Variants in DACH2 observed in about 807,000 individuals in gnomAD.
The protein encoded by DACH2 is dachshund homolog 2.
Under a neutral mutation model 35.8 loss-of-function variants are expected in DACH2, and 17 were observed. That is an observed-to-expected ratio of 0.48 (90% CI 0.33 to 0.71). DACH2 has a LOEUF of 0.71. DACH2 is among the 30% of genes least tolerant of loss of function. DACH2 has a pLI of 0.02. For missense variants in DACH2, 469 were observed against 472.7 expected, an observed-to-expected ratio of 0.99 and a Z score of 0.07; for synonymous variants, 195 against 177.3, an observed-to-expected ratio of 1.10 and a Z score of -0.79.
At chrX:86,466,860 C>A (rs2148217262) in intron 2 of DACH2, among the ~76,000 whole-genome samples, 1 of 110,948 alleles carries the variant, frequency 9.0e-6, no homozygotes, top group Admixed American at 9.6e-5. Context: ...CCCCTTTCAG[C>A]CACGGCTGGA....
intron 1 of DACH2, among the ~76,000 whole-genome samples, chrX:86,315,828 CACACACACACACAG>C (rs2034891162): frequency 1.0e-5 from 1 of 96,448 alleles, no homozygotes; most frequent in African/African-American, 4.5e-5. Context: ...CACACACACA[CACACACACACACAG>C]AGAGAGAGAG....
intron 2 of DACH2, among the ~76,000 whole-genome samples, chrX:86,384,946 T>G (rs762504531): frequency 8.9e-6 from 1 of 111,733 alleles, no homozygotes; most frequent in Non-Finnish European, 1.9e-5. Context: ...GTGAACTGAT[T>G]TATCATTATA....
At chrX:86,818,579 T>A (rs1179222067) in intron 11 of DACH2, among the ~76,000 whole-genome samples, 1 of 111,654 alleles carries the variant, frequency 9.0e-6, no homozygotes, top group Non-Finnish European at 1.9e-5. Context: ...AGTTCTTTTT[T>A]GTGACATTTT....
At chrX:86,390,596 A>AT (rs1419617080) in intron 2 of DACH2, among the ~76,000 whole-genome samples, 3 of 110,524 alleles carry the variant, frequency 2.7e-5, no homozygotes, top group Admixed American at 1.9e-4. Flanking sequence ...GATTATTATT[A>AT]TTTTTTCTTT....
intron 3 of DACH2, among the ~76,000 whole-genome samples, chrX:86,562,848 G>A (rs887810967): frequency 3.6e-5 from 4 of 111,386 alleles, no homozygotes. Flanking sequence ...CATCATGAAC[G>A]CATGTTTCTA....
At chrX:86,384,166 G>A (rs190079758) in intron 2 of DACH2, among the ~76,000 whole-genome samples, 116 of 110,634 alleles carry the variant, frequency 1.0e-3, no homozygotes, top group African/African-American at 3.6e-3. Flanking sequence ...GGAGGGCACA[G>A]GGTAGATGTA....
At chrX:86,695,204 T>C in intron 5 of DACH2, 25 bp downstream of exon 5, 2 of 975,168 alleles carry the variant, frequency 2.1e-6, no homozygotes, top group Non-Finnish European at 2.6e-6. Flanking sequence ...CTCACAAAAC[T>C]GGGTGTGTTG....
At chrX:86,569,674 G>T (rs1302345218) in intron 3 of DACH2, among the ~76,000 whole-genome samples, 1 of 111,273 alleles carries the variant, frequency 9.0e-6, no homozygotes, top group East Asian at 2.8e-4. Context: ...CTGGACATAG[G>T]CATGGGCAAA....
intron 3 of DACH2, among the ~76,000 whole-genome samples, chrX:86,522,256 A>G (rs12012048): frequency 0.017 from 1,936 of 111,423 alleles, 47 homozygotes; most frequent in African/African-American, 0.06. Context: ...GTGTGTGTGT[A>G]TGTGAATATG....
At chrX:86,565,870 G>T (rs988578916) in intron 3 of DACH2, among the ~76,000 whole-genome samples, 1 of 111,560 alleles carries the variant, frequency 9.0e-6, no homozygotes, top group Non-Finnish European at 1.9e-5. Flanking sequence ...AAATATGTTT[G>T]TATGATTGCT....
chrX:86,815,792 G>T (rs1466795912), intron 10 of DACH2, among the ~76,000 whole-genome samples: 2 of 107,673 alleles, frequency 1.9e-5, no homozygotes, highest in African/African-American at 3.4e-5. Flanking sequence ...TATTTTTAAA[G>T]AATAAAAAAA....
At chrX:86,784,360 C>T (rs1204605909) in intron 7 of DACH2, among the ~76,000 whole-genome samples, 1 of 110,483 alleles carries the variant, frequency 9.1e-6, no homozygotes, top group African/African-American at 3.3e-5. Flanking sequence ...CCACAGACAA[C>T]ATACATATGA....
chrX:86,430,767 T>G (rs1370878454), intron 2 of DACH2, among the ~76,000 whole-genome samples: 2 of 112,258 alleles, frequency 1.8e-5, no homozygotes, highest in Non-Finnish European at 3.8e-5. Flanking sequence ...CAAAAAGCAT[T>G]CTTCTCTCCT....
At chrX:86,543,522 G>C (rs1367143403) in intron 3 of DACH2, among the ~76,000 whole-genome samples, 1 of 110,518 alleles carries the variant, frequency 9.0e-6, no homozygotes, top group African/African-American at 3.3e-5. Flanking sequence ...ATATGGATAG[G>C]AATGAAGATC....
At chrX:86,486,061 G>T (rs2038014886) in intron 2 of DACH2, among the ~76,000 whole-genome samples, 1 of 111,157 alleles carries the variant, frequency 9.0e-6, no homozygotes, top group Admixed American at 9.6e-5. Context: ...CACCTGGTGA[G>T]CCCTATGCAA....
At chrX:86,829,153 A>G (rs1470104114) in intron 11 of DACH2, 1 of 112,104 alleles carries the variant, frequency 8.9e-6, no homozygotes, top group African/African-American at 3.2e-5. Context: ...TCTAAAGCAT[A>G]AGCATTTGGA....
chrX:86,640,524 T>TC (rs993187411), intron 3 of DACH2, among the ~76,000 whole-genome samples: 1 of 110,595 alleles, frequency 9.0e-6, no homozygotes, highest in African/African-American at 3.3e-5. Flanking sequence ...CTGCGGTAGA[T>TC]CCCCCAAGAG....
At chrX:86,774,572 T>G (rs2042013825) in intron 7 of DACH2, among the ~76,000 whole-genome samples, 1 of 111,706 alleles carries the variant, frequency 9.0e-6, no homozygotes, top group African/African-American at 3.3e-5. Context: ...TCATATTACT[T>G]GCTGTTATAT....
intron 1 of DACH2, among the ~76,000 whole-genome samples, chrX:86,338,165 A>G (rs2035350038): frequency 9.0e-6 from 1 of 111,620 alleles, no homozygotes; most frequent in Admixed American, 9.6e-5. Context: ...AACAAGACAC[A>G]AAATTAGTAA....
Sources: allele counts gnomAD v4.1 joint callset (sites outside exome capture counted in the v4.1 genomes callset), GRCh38; gene constraint gnomAD v4.1.1; transcripts MANE v1.5; gene names NCBI Gene and HGNC (gene_info 2026-07-23, HGNC 2026-07-21).